C10orf71: variants seen among roughly 807,000 people sequenced by gnomAD.
The protein encoded by C10orf71 is cardiac-enriched FHL2-interacting protein.
For synonymous variants in C10orf71, 758 were observed against 726.3 expected (o/e 1.04, Z -0.70); for missense variants, 1,869 against 1,804.5 (o/e 1.04, Z -0.65).
intron 1 of C10orf71, among the ~76,000 whole-genome samples, chr10:49,307,121 C>T (rs1848827896): frequency 6.6e-6 from 1 of 152,224 alleles, no homozygotes; most frequent in Non-Finnish European, 1.5e-5. Context: ...CTCTCCCTTC[C>T]AGATCTTTCC....
chr10:49,304,946 C>T (rs1848788145), intron 1 of C10orf71, among the ~76,000 whole-genome samples: 1 of 152,202 alleles, frequency 6.6e-6, no homozygotes, highest in South Asian at 2.1e-4. Flanking sequence ...TCTGCCTTTC[C>T]ATTTGCCCCA....
chr10:49,303,098 G>A (rs1848755471), intron 1 of C10orf71, among the ~76,000 whole-genome samples: 1 of 152,144 alleles, frequency 6.6e-6, no homozygotes, highest in Non-Finnish European at 1.5e-5. Flanking sequence ...TTAAACTCCA[G>A]CTTGGGCCTA....
chr10:49,304,752 G>C (rs1488098814), intron 1 of C10orf71, among the ~76,000 whole-genome samples: 1 of 152,212 alleles, frequency 6.6e-6, no homozygotes, highest in Admixed American at 6.5e-5. Flanking sequence ...GCTGGAGAAA[G>C]GATGGTTCCT....
chr10:49,317,828 G>A (rs1403676143), intron 2 of C10orf71, among the ~76,000 whole-genome samples: 1 of 152,180 alleles, frequency 6.6e-6, no homozygotes, highest in East Asian at 1.9e-4. Context: ...TCCAGCCTGG[G>A]TGACAGAATG....
intron 2 of C10orf71, among the ~76,000 whole-genome samples, chr10:49,321,761 A>T (rs1218906985): frequency 6.6e-6 from 1 of 152,132 alleles, no homozygotes; most frequent in African/African-American, 2.4e-5. Flanking sequence ...GCATGATGTG[A>T]TATGTCATTG....
intron 1 of C10orf71, among the ~76,000 whole-genome samples, chr10:49,313,901 G>A (rs1000182534): frequency 2.1e-4 from 32 of 152,188 alleles, no homozygotes; most frequent in African/African-American, 6.8e-4. Context: ...GCCTCAGTGC[G>A]TGGATGTTTG....
Position 49,323,958 on chromosome 10 carries a change from C to A in C10orf71, c.1413C>A (p.Pro471=), listed in dbSNP as rs767196896. The part of the protein sequence containing the change: ...DSQPAERTPS[P]PGQLNGYQEK... ...AGCCAGCAGAGCGAACCCCATCACC[C>A]CCAGGACAGCTAAACGGATACCAAG... Residue 471 remains proline, a synonymous_variant, in exon 3 of 3, where the codon CCC becomes CCA. Transcript: ENST00000374144. The A allele has an allele frequency of 8.7e-6, 14 of 1,613,698 alleles. No homozygotes were observed. The Middle Eastern group carries it at 4.9e-4, about 57-fold the overall frequency.
At chr10:49,313,011 T>C (rs1480189104) in intron 1 of C10orf71, among the ~76,000 whole-genome samples, 1 of 152,230 alleles carries the variant, frequency 6.6e-6, no homozygotes, top group Non-Finnish European at 1.5e-5. Context: ...GCTTGCACTG[T>C]GCACTATGCT....
At chr10:49,316,788 T>C (rs1300943786) in intron 2 of C10orf71, among the ~76,000 whole-genome samples, 1 of 152,148 alleles carries the variant, frequency 6.6e-6, no homozygotes, top group Non-Finnish European at 1.5e-5. Flanking sequence ...CATGGGCCTG[T>C]CCTCGGTCTC....
In C10orf71 at chr10:49,305,713, C is replaced by T. The variant is rs575619642; in HGVS notation, c.-248+6480C>T. On this transcript the variant is annotated intron_variant, in intron 1 of 2. Transcript: ENST00000374144. ...CCCCTCCCCAAGTGAATCTGATCAG[C>T]CACTGTTTGGGCCTTGGGTCTCCAA... Among the ~76,000 whole-genome samples the T allele has an allele frequency of 1.1e-3, 174 of 152,336 alleles. 1 individual carries two copies. Among genetic ancestry groups the T allele is most frequent in the African/African-American group, 4.1e-3 (172 of 41,584 alleles).
intron 1 of C10orf71, among the ~76,000 whole-genome samples, chr10:49,309,367 T>C (rs964478962): frequency 1.3e-5 from 2 of 150,508 alleles, no homozygotes; most frequent in Admixed American, 6.6e-5. Context: ...GCACACTCAC[T>C]CTCTCTCTCT....
In C10orf71 at chr10:49,322,561, A is replaced by G; in HGVS notation, c.16A>G (p.Lys6Glu). The change falls in exon 3 of 3, where the codon AAG becomes GAG. Residue 6 changes from lysine to glutamate, a missense_variant. Physicochemically the swap from Lys to Glu is moderately conservative, Grantham distance 56. Coordinates refer to ENST00000374144, the MANE Select transcript of C10orf71 (RefSeq NM_001135196.2). ...GAGCCAACAGATGATGCAAGGAAAT[A>G]AGAAGTGCACAGACGCGTTCAGCGA... is the stretch of plus-strand genomic sequence containing the variant. MMQGN[K>E]KCTDAFSDSS... is the part of the protein sequence containing the mutation. 6.2e-7 allele frequency: 1 copy of G among 1,608,206 alleles called. No homozygotes were observed. Among genetic ancestry groups the G allele is most frequent in the South Asian group, 1.1e-5 (1 of 90,118 alleles).
intron 1 of C10orf71, among the ~76,000 whole-genome samples, chr10:49,303,181 G>A (rs1231828132): frequency 2.0e-5 from 3 of 152,128 alleles, no homozygotes; most frequent in Non-Finnish European, 2.9e-5. Context: ...AACTCAGTGG[G>A]AGAGCAGCTG....
chr10:49,311,623 G>C (rs1312841539), intron 1 of C10orf71, among the ~76,000 whole-genome samples: 1 of 152,218 alleles, frequency 6.6e-6, no homozygotes, highest in African/African-American at 2.4e-5. Flanking sequence ...CCGCAGTGCA[G>C]GAAGAATAAA....
chr10:49,325,815 C>T lies in C10orf71; in HGVS notation c.3270C>T (p.Pro1090=), dbSNP rs1041977194. ...SQAPGGPELL[P]EEPNQASPWA... is the part of the protein sequence containing the mutation. ...CCCCTGGAGGACCAGAGCTGCTTCC[C>T]GAGGAGCCTAATCAAGCCAGCCCCT... Residue 1090 remains proline, a synonymous_variant, in exon 3 of 3, where the codon CCC becomes CCT. Coordinates refer to ENST00000374144, the MANE Select transcript of C10orf71 (RefSeq NM_001135196.2). 3.9e-5 allele frequency: 61 copies of T among 1,551,408 alleles called. No individual in the cohort carries two copies. In the Admixed American group the frequency reaches 4.7e-4, roughly 12 times the overall value.
intron 1 of C10orf71, among the ~76,000 whole-genome samples, chr10:49,308,870 G>A (rs770024231): frequency 3.4e-4 from 51 of 152,136 alleles, no homozygotes; most frequent in Non-Finnish European, 5.7e-4. Flanking sequence ...AAGACACAGC[G>A]AGCCCCACAT....
intron 1 of C10orf71, among the ~76,000 whole-genome samples, chr10:49,308,027 C>T (rs941735970): frequency 5.3e-5 from 8 of 152,208 alleles, no homozygotes; most frequent in African/African-American, 1.9e-4. Context: ...ATGACCCATC[C>T]AGACATGGCA....
intron 1 of C10orf71, among the ~76,000 whole-genome samples, chr10:49,314,031 C>A (rs1848959202): frequency 6.6e-6 from 1 of 152,082 alleles, no homozygotes; most frequent in Admixed American, 6.5e-5. Flanking sequence ...ACTAAACATC[C>A]AGACAGGGAG....
intron 1 of C10orf71, among the ~76,000 whole-genome samples, chr10:49,301,506 G>A (rs1179816422): frequency 6.6e-6 from 1 of 152,182 alleles, no homozygotes; most frequent in Admixed American, 6.5e-5. Context: ...CAAACATGGA[G>A]CATGTAGAGC....
Sources: allele counts gnomAD v4.1 joint callset (sites outside exome capture counted in the v4.1 genomes callset), GRCh38; gene constraint gnomAD v4.1.1; transcripts MANE v1.5; gene names NCBI Gene and HGNC (gene_info 2026-07-23, HGNC 2026-07-21).